IQCM: variants seen among roughly 807,000 people sequenced by gnomAD.
IQCM encodes IQ motif containing M, also known as IQ domain-containing protein M.
IQCM carries 45 observed loss-of-function variants against 57.6 expected under a neutral mutation model. The observed-to-expected ratio is 0.78, with a 90% CI of 0.62 to 1.00. The LOEUF (loss-of-function observed/expected upper bound fraction) is 1.00. Among genes scored for constraint, IQCM ranks in the 50% least tolerant of loss-of-function variants. The probability of loss-of-function intolerance (pLI) is 0.00; values close to 1 mark genes in which losing one functional copy is unlikely to be tolerated. For missense variants in IQCM, 468 were observed against 511.6 expected (o/e 0.91, Z 0.82); for synonymous variants, 148 against 158.9 (o/e 0.93, Z 0.51).
At chr4:149,697,897 G>C (rs1374431002) in intron 5 of IQCM, among the ~76,000 whole-genome samples, 1 of 152,000 alleles carries the variant, frequency 6.6e-6, no homozygotes, top group Non-Finnish European at 1.5e-5. Context: ...TATGTTATGA[G>C]TTCTTTAAGA....
intron 3 of IQCM, among the ~76,000 whole-genome samples, chr4:149,740,025 G>A (rs1002307397): frequency 2.0e-5 from 3 of 152,138 alleles, no homozygotes; most frequent in Non-Finnish European, 4.4e-5. Flanking sequence ...TAGAATTGTT[G>A]AGTAAGTATT....
chr4:149,677,633 C>G (rs772302085), intron 7 of IQCM, among the ~76,000 whole-genome samples: 1 of 151,932 alleles, frequency 6.6e-6, no homozygotes, highest in African/African-American at 2.4e-5. Flanking sequence ...TGTACATCCA[C>G]AAGTAACAAC....
chr4:149,805,794 C>G (rs535893705), intron 2 of IQCM, among the ~76,000 whole-genome samples: 1 of 152,034 alleles, frequency 6.6e-6, no homozygotes, highest in South Asian at 2.1e-4. Context: ...TTTTATTTTT[C>G]ATCTAATTCT....
chr4:149,810,869 G>T (rs973002872), intron 2 of IQCM, among the ~76,000 whole-genome samples: 1 of 152,002 alleles, frequency 6.6e-6, no homozygotes, highest in African/African-American at 2.4e-5. Flanking sequence ...TATATAACCC[G>T]CCAAACTTTG....
At chr4:149,501,794 A>C (rs546259211) in intron 12 of IQCM, among the ~76,000 whole-genome samples, 1 of 152,298 alleles carries the variant, frequency 6.6e-6, no homozygotes, top group Non-Finnish European at 1.5e-5. Flanking sequence ...CCACTTGGAA[A>C]TTGATTGCCC....
At chr4:149,565,221 T>C (rs1416891916) in intron 9 of IQCM, among the ~76,000 whole-genome samples, 1 of 152,154 alleles carries the variant, frequency 6.6e-6, no homozygotes, top group Non-Finnish European at 1.5e-5. Flanking sequence ...TTCTTGATTC[T>C]CAGAGTGAAT....
intron 5 of IQCM, among the ~76,000 whole-genome samples, chr4:149,699,486 G>A (rs569627457): frequency 1.3e-5 from 2 of 151,928 alleles, no homozygotes; most frequent in Non-Finnish European, 2.9e-5. Context: ...TATCAAATCT[G>A]AGCCTTTGCT....
At chr4:149,763,227 A>C (rs1259986971) in intron 2 of IQCM, among the ~76,000 whole-genome samples, 1 of 152,076 alleles carries the variant, frequency 6.6e-6, no homozygotes, top group African/African-American at 2.4e-5. Context: ...AGCATGATTT[A>C]TATGACATCA....
chr4:149,654,221 T>C (rs1759439855), intron 7 of IQCM, among the ~76,000 whole-genome samples: 1 of 152,148 alleles, frequency 6.6e-6, no homozygotes, highest in Non-Finnish European at 1.5e-5. Flanking sequence ...TGTCTTCCTT[T>C]CTTAAATATC....
At position 149,596,660 on chromosome 4, in the gene IQCM, A is replaced by C. The variant is rs573228001; in HGVS notation, c.682-8663T>G. ...CACACTGTGGCCTTGGCTCTGAGTGAAGAGATAAAATTCCTAGAAGTTTTC... is the reference window on the plus strand; with the variant it reads ...CACACTGTGGCCTTGGCTCTGAGTGCAGAGATAAAATTCCTAGAAGTTTTC... On this transcript the variant is annotated intron_variant, in intron 8 of 13. Coordinates refer to ENST00000636793, the MANE Select transcript of IQCM (RefSeq NM_001363507.2). Among the ~76,000 whole-genome samples, 11 of 152,272 alleles carry C rather than the reference A, an allele frequency of 7.2e-5. 1 individual carries two copies. The South Asian group carries it at 2.3e-3, about 32-fold the overall frequency.
chr4:149,786,475 T>C (rs1293721129), intron 2 of IQCM, among the ~76,000 whole-genome samples: 3 of 151,840 alleles, frequency 2.0e-5, no homozygotes, highest in Admixed American at 1.3e-4. Flanking sequence ...TTTAAACAAA[T>C]TCACAAGAAA....
At chr4:149,661,061 C>T (rs1345551489) in intron 7 of IQCM, among the ~76,000 whole-genome samples, 1 of 151,784 alleles carries the variant, frequency 6.6e-6, no homozygotes, top group Non-Finnish European at 1.5e-5. Context: ...TGTTTCCAAT[C>T]TGAGAGGAAC....
At chr4:149,644,825 G>T (rs1758501920) in intron 7 of IQCM, among the ~76,000 whole-genome samples, 1 of 152,176 alleles carries the variant, frequency 6.6e-6, no homozygotes, top group African/African-American at 2.4e-5. Flanking sequence ...GTTAAAGTCT[G>T]TGTGAATAGT....
chr4:149,559,974 G>GAATCT (rs899896465), intron 10 of IQCM, among the ~76,000 whole-genome samples: 44 of 152,176 alleles, frequency 2.9e-4, no homozygotes, highest in African/African-American at 1.1e-3. Flanking sequence ...CTCTTAATGA[G>GAATCT]AATCTAATGC....
chr4:149,384,376 T>G (rs1433099912), intron 13 of IQCM, among the ~76,000 whole-genome samples: 3 of 152,158 alleles, frequency 2.0e-5, no homozygotes, highest in Non-Finnish European at 2.9e-5. Flanking sequence ...AAATAGGGCA[T>G]ACATTTCCTT....
chr4:149,441,066 G>A (rs1478807409), intron 12 of IQCM, among the ~76,000 whole-genome samples: 1 of 152,074 alleles, frequency 6.6e-6, no homozygotes, highest in East Asian at 1.9e-4. Flanking sequence ...TAAGAGCAAA[G>A]ATTTTCCCTT....
At chr4:149,430,808 T>C (rs1734789154) in intron 13 of IQCM, among the ~76,000 whole-genome samples, 1 of 152,052 alleles carries the variant, frequency 6.6e-6, no homozygotes, top group African/African-American at 2.4e-5. Context: ...TTTATGAATA[T>C]TCATATACAA....
intron 5 of IQCM, among the ~76,000 whole-genome samples, chr4:149,720,689 A>G (rs1403528213): frequency 6.6e-6 from 1 of 152,224 alleles, no homozygotes; most frequent in African/African-American, 2.4e-5. Context: ...AATTCCTGAC[A>G]AGAAATGAGA....
chr4:149,479,945 AC>A (rs1740599388), intron 12 of IQCM, among the ~76,000 whole-genome samples: 1 of 152,176 alleles, frequency 6.6e-6, no homozygotes, highest in African/African-American at 2.4e-5. Flanking sequence ...ACAAGATAAT[AC>A]CCAGAAAAAT....
Sources: gnomAD v4.1 joint callset for allele counts (sites outside exome capture counted in the v4.1 genomes callset) on GRCh38, gnomAD v4.1.1 for gene constraint, MANE v1.5 for transcripts, NCBI Gene and HGNC (gene_info 2026-07-23, HGNC 2026-07-21) for gene names.